Variants in EPS8 observed in about 807,000 individuals in gnomAD.
The protein encoded by EPS8 is EGFR pathway substrate 8, signaling adaptor.
A neutral mutation model predicts 103.8 loss-of-function variants in EPS8; 42 were observed. That is an observed-to-expected ratio of 0.40 (90% confidence interval 0.32 to 0.52). The LOEUF is 0.52. Ranked by LOEUF, EPS8 falls within the 20% of genes least tolerant of loss-of-function variation. The pLI is 0.40. For missense variants in EPS8, 969 were observed against 1,005.1 expected, an observed-to-expected ratio of 0.96 and a Z score of 0.49; for synonymous variants, 344 against 344.6, an observed-to-expected ratio of 1.00 and a Z score of 0.02.
At chr12:15,741,626 T>A (rs1946823915) in intron 1 of EPS8, among the ~76,000 whole-genome samples, 1 of 152,194 alleles carries the variant, frequency 6.6e-6, no homozygotes, top group South Asian at 2.1e-4. Flanking sequence ...ATATCATCTT[T>A]TAAAGCGTAA....
At chr12:15,783,296 A>G (rs1355562662) in intron 1 of EPS8, among the ~76,000 whole-genome samples, 18 of 152,254 alleles carry the variant, frequency 1.2e-4, no homozygotes. Context: ...ACAATGTAAT[A>G]TACATATAAT....
At chr12:15,659,901 A>C (rs1945574914) in intron 10 of EPS8, among the ~76,000 whole-genome samples, 1 of 152,200 alleles carries the variant, frequency 6.6e-6, no homozygotes, top group Non-Finnish European at 1.5e-5. Context: ...AATCTGTTGA[A>C]ACTTTTAAAT....
Position 15,764,321 on chromosome 12 carries a change from GA to G in EPS8, c.-22+24839del. Reference sequence around the variant, plus strand: ...GGGAATTATGCAAGCTACAATTCAAGATGAGCTTTGGGTGGGGACACAGTGA... The same window carrying G: ...GGGAATTATGCAAGCTACAATTCAAGTGAGCTTTGGGTGGGGACACAGTGA... On this transcript the variant is annotated intron_variant, in intron 1 of 20. Coordinates refer to ENST00000281172, the MANE Select transcript of EPS8 (RefSeq NM_004447.6). The surrounding 1 kb of genome is among the most constrained non-coding windows in gnomAD (Gnocchi z 4.1). Among the ~76,000 whole-genome samples, 2 of 152,324 alleles carry G rather than the reference GA, an allele frequency of 1.3e-5. No homozygotes were observed. The highest frequency in any genetic ancestry group is 4.1e-4 in the South Asian group (2 of 4,824).
In EPS8 at chr12:15,757,298, T is replaced by C. The variant is rs12227722; in HGVS notation, c.-22+31863A>G. 1.1e-3 allele frequency among the ~76,000 whole-genome samples: 174 copies of C among 152,220 alleles called. 2 individuals are homozygous for C. The East Asian group carries it at 0.032, about 28-fold the overall frequency. On this transcript the variant is annotated intron_variant, in intron 1 of 20. Coordinates refer to ENST00000281172, the MANE Select transcript of EPS8 (RefSeq NM_004447.6). The surrounding 1 kb of genome is among the most constrained non-coding windows in gnomAD (Gnocchi z 4.1). ...ATCCAAAATTAAACTTTCCTTCAGATTGCATATTAATAACAAAGAGGTAAA... is the reference window on the plus strand; with the variant it reads ...ATCCAAAATTAAACTTTCCTTCAGACTGCATATTAATAACAAAGAGGTAAA...
rs146593779 is a variant in EPS8, at chr12:15,759,913, G to C, written c.-22+29248C>G. On this transcript the variant is annotated intron_variant, in intron 1 of 20. Coordinates refer to ENST00000281172, the MANE Select transcript of EPS8 (RefSeq NM_004447.6). The surrounding 1 kb of genome is among the most constrained non-coding windows in gnomAD (Gnocchi z 4.9). ...CAATGCATCTTAAAGAACTAGAAAA[G>C]CAAGAGCAAACCAAACCCAAAATTC... Among the ~76,000 whole-genome samples the C allele has an allele frequency of 6.6e-6, 1 of 151,602 alleles. No individual in the cohort carries two copies. Among genetic ancestry groups the C allele is most frequent in the East Asian group, 1.9e-4 (1 of 5,180 alleles).
intron 1 of EPS8, among the ~76,000 whole-genome samples, chr12:15,744,410 C>T (rs1055624202): frequency 3.3e-5 from 5 of 152,134 alleles, no homozygotes; most frequent in African/African-American, 1.2e-4. Flanking sequence ...TCCAAGTATA[C>T]AAGGATGAAC....
In EPS8 at chr12:15,778,769, T is replaced by C. The variant is rs1390775117; in HGVS notation, c.-22+10392A>G. On this transcript the variant is annotated intron_variant, in intron 1 of 20. Coordinates refer to ENST00000281172, the MANE Select transcript of EPS8 (RefSeq NM_004447.6). The surrounding 1 kb of genome is among the most constrained non-coding windows in gnomAD (Gnocchi z 4.5). ...CATAAACAAGCTGTTCATGCCTTTA[T>C]GGGGGGAATAAAGGTAGTAAATCTA... 6.6e-6 allele frequency among the ~76,000 whole-genome samples: 1 copy of C among 152,180 alleles called. No homozygotes were observed. Among genetic ancestry groups the C allele is most frequent in the African/African-American group, 2.4e-5 (1 of 41,444 alleles).
At position 15,716,047 on chromosome 12, in the gene EPS8, G is replaced by C. The variant is rs557273117; in HGVS notation, c.-21-33075C>G. Among the ~76,000 whole-genome samples, 2 of 152,168 alleles carry C rather than the reference G, an allele frequency of 1.3e-5. No individual in the cohort carries two copies. The highest frequency in any genetic ancestry group is 3.9e-4 in the East Asian group (2 of 5,176). On this transcript the variant is annotated intron_variant, in intron 1 of 20. Transcript: ENST00000281172. The surrounding 1 kb of genome is among the most constrained non-coding windows in gnomAD (Gnocchi z 5.0). The stretch of plus-strand genomic sequence containing the variant: ...CAAGAAGAAAACCCTTCAAAACGAA[G>C]AATATAATCAAAATAAACACTATAA...
At chr12:15,689,636 G>C (rs1282834904) in intron 1 of EPS8, among the ~76,000 whole-genome samples, 1 of 151,986 alleles carries the variant, frequency 6.6e-6, no homozygotes, top group Non-Finnish European at 1.5e-5. Flanking sequence ...ATTTCTTTGT[G>C]GTAAGAACAT....
At chr12:15,629,078 A>C (rs1944998619) in intron 18 of EPS8, among the ~76,000 whole-genome samples, 1 of 152,252 alleles carries the variant, frequency 6.6e-6, no homozygotes, top group South Asian at 2.1e-4. Flanking sequence ...TTAATATTCT[A>C]AGGAAACAAG....
rs1043255921 is a variant in EPS8 at position 15,624,107 on chromosome 12, C to A, written c.2225+120G>T. The A allele has an allele frequency of 2.6e-5, 19 of 738,200 alleles. No individual in the cohort carries two copies. The Admixed American group carries it at 3.1e-4, about 12-fold the overall frequency. The allele number at this position is 738,200 out of a possible 1,614,324, so 45.7% of individuals were successfully genotyped here. On this transcript the variant is annotated intron_variant, in intron 19 of 20. Transcript: ENST00000281172. ...CTATAGTGAGTTCTTGAGTATGGCA[C>A]AAAGTATGCAGTCTGTGCCCTTATG... is the stretch of plus-strand genomic sequence containing the variant.
intron 11 of EPS8, 49 bp from the exon 12 acceptor site, chr12:15,658,202 C>T (rs1480632340): frequency 1.4e-5 from 19 of 1,330,772 alleles, no homozygotes; most frequent in Non-Finnish European, 2.0e-5. Flanking sequence ...GCAAGACAGA[C>T]ACTCAGAAAG....
At chr12:15,710,907 C>T (rs1348891630) in intron 1 of EPS8, among the ~76,000 whole-genome samples, 2 of 152,094 alleles carry the variant, frequency 1.3e-5, no homozygotes, top group South Asian at 2.1e-4. Context: ...CTCACTCTGT[C>T]GCCCTTGCTG....
In EPS8 at chr12:15,725,687, A is replaced by G. The variant is rs929834570; in HGVS notation, c.-21-42715T>C. On this transcript the variant is annotated intron_variant, in intron 1 of 20. Coordinates refer to ENST00000281172, the MANE Select transcript of EPS8 (RefSeq NM_004447.6). This position sits in a 1 kb window ranked among gnomAD's most constrained non-coding sequence, Gnocchi z 4.5. ...CCTGTAAAGATCTCATTATCTCATTAAAAGAATCCTGACTCATCATCATCA... is the reference window on the plus strand; with the variant it reads ...CCTGTAAAGATCTCATTATCTCATTGAAAGAATCCTGACTCATCATCATCA... 6.6e-6 allele frequency among the ~76,000 whole-genome samples: 1 copy of G among 152,192 alleles called. No individual in the cohort carries two copies. The highest frequency in any genetic ancestry group is 2.4e-5 in the African/African-American group (1 of 41,448).
chr12:15,640,085 G>C (rs1187698608), intron 17 of EPS8, among the ~76,000 whole-genome samples: 1 of 152,226 alleles, frequency 6.6e-6, no homozygotes, highest in East Asian at 1.9e-4. Context: ...TCCTGAAAAT[G>C]TGGCATGGGC....
intron 1 of EPS8, among the ~76,000 whole-genome samples, chr12:15,718,922 T>G (rs917361578): frequency 1.8e-4 from 27 of 152,144 alleles, no homozygotes; most frequent in African/African-American, 6.5e-4. Context: ...TCTGGAGTAT[T>G]TTTACCTTAA....
intron 9 of EPS8, 64 bp downstream of exon 9, chr12:15,661,962 T>C (rs1358300246): frequency 5.9e-6 from 7 of 1,177,266 alleles, no homozygotes; most frequent in Middle Eastern, 2.0e-4. Context: ...TTCATTTTCT[T>C]ATGAAGTTTT....
rs1257466395 is a variant in EPS8 at position 15,681,287 on chromosome 12, T to C, written c.75A>G (p.Ser25=). 6.6e-7 allele frequency: 1 copy of C among 1,516,158 alleles called. No homozygotes were observed. The allele number at this position is 1,516,158 out of a possible 1,614,324, so 93.9% of individuals were successfully genotyped here. A position where few individuals can be genotyped will look rare whatever the true frequency, so the allele number is the denominator to read the frequency against. The change falls in exon 3 of 21, where the codon TCA becomes TCG. Residue 25 remains serine, a synonymous_variant. Transcript: ENST00000281172. ...YPSQMNGYGS[S]PTFSQTDREH... ...CTCTGTCCGTCTGGGAAAAGGTAGG[T>C]GATGATCCGTAGCCACTGTAATAAT...
At position 15,650,901 on chromosome 12, in the gene EPS8, A is replaced by G; in HGVS notation, c.1356T>C (p.Asp452=). 1 of 1,614,110 alleles carries G rather than the reference A, an allele frequency of 6.2e-7. No homozygotes were observed. Among genetic ancestry groups the G allele is most frequent in the Non-Finnish European group, 8.5e-7 (1 of 1,179,984 alleles). Reference sequence around the variant, plus strand: ...CCACAGATTCTGCCAGTTGATAAAGATCTTGTTCCATTGTGGCTCCCATAA... The same window carrying G: ...CCACAGATTCTGCCAGTTGATAAAGGTCTTGTTCCATTGTGGCTCCCATAA... The part of the protein sequence containing the change: ...LNFMGATMEQ[D]LYQLAESVAN... Residue 452 remains aspartate (D), a synonymous_variant, in exon 14 of 21, where the codon GAT becomes GAC. Coordinates refer to ENST00000281172, the MANE Select transcript of EPS8 (RefSeq NM_004447.6).
Sources: allele counts gnomAD v4.1 joint callset (sites outside exome capture counted in the v4.1 genomes callset), GRCh38; gene constraint gnomAD v4.1.1; non-coding constraint Gnocchi (gnomAD v3.1); transcripts MANE v1.5; gene names NCBI Gene and HGNC (gene_info 2026-07-23, HGNC 2026-07-21).